Variants in TMEM232 observed in about 807,000 individuals in gnomAD.
The protein encoded by TMEM232 is transmembrane protein 232.
A neutral mutation model predicts 78.8 loss-of-function variants in TMEM232; 80 were observed. The observed-to-expected ratio is 1.01, with a 90% CI of 0.85 to 1.22. The LOEUF (loss-of-function observed/expected upper bound fraction) is 1.22, where lower values mean the gene tolerates loss of function less well. Among genes scored for constraint, TMEM232 ranks in the 50% most tolerant of loss-of-function variants. The pLI, the probability that TMEM232 is intolerant of heterozygous loss-of-function variation, is 0.00. For synonymous variants in TMEM232, 297 were observed against 254.3 expected (o/e 1.17, Z -1.60); for missense variants, 881 against 742.2 (o/e 1.19, Z -2.17).
chr5:110,637,996 CATT>C (rs1786113417), intron 5 of TMEM232, among the ~76,000 whole-genome samples, 199 bp downstream of exon 5: 1 of 151,726 alleles, frequency 6.6e-6, no homozygotes, highest in African/African-American at 2.4e-5. Context: ...TAGTTTGTGA[CATT>C]ATATTTTCTC....
intron 2 of TMEM232, among the ~76,000 whole-genome samples, chr5:110,645,912 T>C (rs1241716375): frequency 6.6e-6 from 1 of 151,496 alleles, no homozygotes; most frequent in African/African-American, 2.4e-5. Flanking sequence ...TTTCTATATA[T>C]AAACAATGAA....
chr5:110,653,333 A>G (rs922603753), intron 2 of TMEM232, among the ~76,000 whole-genome samples: 1 of 152,222 alleles, frequency 6.6e-6, no homozygotes, highest in Non-Finnish European at 1.5e-5. Context: ...CAGTGAAAAA[A>G]TCTTGCAGAA....
chr5:110,542,807 C>G (rs899337042), intron 11 of TMEM232, among the ~76,000 whole-genome samples: 1 of 152,110 alleles, frequency 6.6e-6, no homozygotes, highest in Admixed American at 6.6e-5. Flanking sequence ...CAACCCCCCT[C>G]GCTTTCTGCA....
intron 10 of TMEM232, among the ~76,000 whole-genome samples, chr5:110,599,285 G>T (rs980433498): frequency 6.6e-6 from 1 of 152,024 alleles, no homozygotes; most frequent in African/African-American, 2.4e-5. Flanking sequence ...TAACCAGCTA[G>T]CATCATGAAG....
At chr5:110,648,626 A>G (rs972771671) in intron 2 of TMEM232, among the ~76,000 whole-genome samples, 1 of 152,096 alleles carries the variant, frequency 6.6e-6, no homozygotes, top group South Asian at 2.1e-4. Flanking sequence ...CCCTAAAAAA[A>G]TAGCAAAAGT....
chr5:110,715,295 A>G (rs942298993), intron 1 of TMEM232, among the ~76,000 whole-genome samples: 3 of 152,170 alleles, frequency 2.0e-5, no homozygotes, highest in African/African-American at 7.2e-5. Context: ...AAAAAAAACC[A>G]TAGGCTGAAG....
intron 7 of TMEM232, among the ~76,000 whole-genome samples, chr5:110,619,713 T>C (rs529238947): frequency 4.6e-5 from 7 of 152,284 alleles, no homozygotes; most frequent in South Asian, 2.1e-4. Flanking sequence ...CTGGAACCCA[T>C]ATAAATGAAA....
intron 10 of TMEM232, among the ~76,000 whole-genome samples, chr5:110,569,673 T>A (rs1581246528): frequency 6.6e-6 from 1 of 152,032 alleles, no homozygotes; most frequent in East Asian, 1.9e-4. Flanking sequence ...TCCTCAACTT[T>A]TCCAAATGAA....
chr5:110,457,575 A>T, intron 12 of TMEM232, among the ~76,000 whole-genome samples: 1 of 152,140 alleles, frequency 6.6e-6, no homozygotes, highest in Admixed American at 6.5e-5. Flanking sequence ...ATATATGGTC[A>T]TCAAAAAAAA....
intron 4 of TMEM232, among the ~76,000 whole-genome samples, chr5:110,389,293 AG>A: frequency 6.6e-6 from 1 of 152,278 alleles, no homozygotes; most frequent in Admixed American, 6.5e-5. Context: ...AAAAACAAAA[AG>A]GAAAGAAGTC....
intron 12 of TMEM232, among the ~76,000 whole-genome samples, chr5:110,468,313 A>G (rs1225550625): frequency 6.6e-6 from 1 of 151,766 alleles, no homozygotes; most frequent in Non-Finnish European, 1.5e-5. Context: ...TTTTTAACAT[A>G]AAAAGTTTAA....
intron 1 of TMEM232, among the ~76,000 whole-genome samples, chr5:110,696,184 G>A (rs1405230439): frequency 6.6e-6 from 1 of 152,026 alleles, no homozygotes; most frequent in African/African-American, 2.4e-5. Flanking sequence ...AGCATATAAA[G>A]AGAACCAAAG....
intron 12 of TMEM232, among the ~76,000 whole-genome samples, chr5:110,481,696 G>A (rs1763882528): frequency 6.6e-6 from 1 of 152,114 alleles, no homozygotes; most frequent in African/African-American, 2.4e-5. Flanking sequence ...TCAGAACATG[G>A]GAAAGCACTT....
intron 1 of TMEM232, among the ~76,000 whole-genome samples, chr5:110,668,153 C>A (rs1790851880): frequency 6.6e-6 from 1 of 151,936 alleles, no homozygotes; most frequent in Non-Finnish European, 1.5e-5. Context: ...AATATGGTAC[C>A]TGAATGAAAG....
intron 10 of TMEM232, among the ~76,000 whole-genome samples, chr5:110,594,842 G>A (rs531284597): frequency 8.5e-5 from 13 of 152,302 alleles, no homozygotes; most frequent in African/African-American, 2.6e-4. Context: ...AGCTATTGGC[G>A]CAGCTTCAGC....
chr5:110,622,886 A>C (rs999468847), intron 7 of TMEM232, among the ~76,000 whole-genome samples: 2 of 151,832 alleles, frequency 1.3e-5, no homozygotes, highest in Non-Finnish European at 1.5e-5. Context: ...AGATATACCT[A>C]ATGCTAGATG....
chr5:110,392,987 ATAGT>A (rs757080689), intron 3 of TMEM232, among the ~76,000 whole-genome samples: 13 of 152,208 alleles, frequency 8.5e-5, no homozygotes, highest in Non-Finnish European at 1.9e-4. Context: ...GATTTTCTAG[ATAGT>A]TCTCTCTCAT....
intron 11 of TMEM232, among the ~76,000 whole-genome samples, chr5:110,564,147 A>T (rs1003795011): frequency 6.6e-6 from 1 of 152,016 alleles, no homozygotes; most frequent in Non-Finnish European, 1.5e-5. Flanking sequence ...CATAATTATT[A>T]TCTAAAAACG....
intron 11 of TMEM232, among the ~76,000 whole-genome samples, chr5:110,551,318 A>C (rs1241846859): frequency 6.6e-6 from 1 of 152,076 alleles, no homozygotes; most frequent in African/African-American, 2.4e-5. Context: ...CTGCCCTCCG[A>C]GTTCAAGCAA....
Sources: gnomAD v4.1 joint callset for allele counts (sites outside exome capture counted in the v4.1 genomes callset) on GRCh38, gnomAD v4.1.1 for gene constraint, MANE v1.5 for transcripts, NCBI Gene and HGNC (gene_info 2026-07-23, HGNC 2026-07-21) for gene names.